COL12A1: variants seen among roughly 807,000 people sequenced by gnomAD.
The protein encoded by COL12A1 is collagen type XII alpha 1 chain.
In COL12A1, 114 loss-of-function variants were observed where a neutral mutation model predicts 349.7. That is an observed-to-expected ratio of 0.33 (90% CI 0.28 to 0.38). The LOEUF is 0.38. Among genes scored for constraint, COL12A1 ranks in the 10% least tolerant of loss-of-function variants. The probability of loss-of-function intolerance (pLI) is 1.00; values close to 1 mark genes in which losing one functional copy is unlikely to be tolerated. For missense variants in COL12A1, 3,284 were observed against 3,756.9 expected (o/e 0.87, Z 3.29); for synonymous variants, 1,369 against 1,329.0 (o/e 1.03, Z -0.66).
At chr6:75,167,965 T>C (rs240718) in intron 13 of COL12A1, among the ~76,000 whole-genome samples, 3,490 of 152,270 alleles carry the variant, frequency 0.023, 135 homozygotes, top group African/African-American at 0.078. Context: ...CTATTTTGAG[T>C]GAACACTGAG....
Position 75,189,625 on chromosome 6 carries a change from AT to A in COL12A1, c.584del (p.Asn195IlefsTer13). On this transcript the variant is annotated frameshift_variant, in exon 6 of 66. Coordinates refer to ENST00000322507, the MANE Select transcript of COL12A1 (RefSeq NM_004370.6). LOFTEE classifies it high-confidence loss of function. ...GAAGTTCATCCCTTTGGTAGTACTG[AT>A]TTAAGTTAAATTCAGTCCTGGTATC... ...SSDTRTEFNL[N>X]QYYQRDELLA... 1 of 1,613,318 alleles carries A rather than the reference AT, an allele frequency of 6.2e-7. No individual in the cohort carries two copies. The highest frequency in any genetic ancestry group is 8.5e-7 in the Non-Finnish European group (1 of 1,179,508).
In COL12A1 at chr6:75,116,104, C is replaced by T. The variant is rs776813043; in HGVS notation, c.7520-47G>A. ...AAGTATGATTCACCAACACGATGTA[C>T]AAATTATATATGCACAGAAAGTAGC... On this transcript the variant is annotated intron_variant, in intron 47 of 65. Coordinates refer to ENST00000322507, the MANE Select transcript of COL12A1 (RefSeq NM_004370.6). 5 of 1,568,632 alleles carry T rather than the reference C, an allele frequency of 3.2e-6. No homozygotes were observed. In the African/African-American group the frequency reaches 6.8e-5, roughly 21 times the overall value.
At chr6:75,191,665 A>G (rs1769935760) in intron 5 of COL12A1, 36 bp downstream of exon 5, 1 of 1,507,824 alleles carries the variant, frequency 6.6e-7, no homozygotes, top group African/African-American at 1.4e-5. Context: ...TATGACTTCC[A>G]TGAATCTAAG....
chr6:75,189,156 C>T lies in COL12A1; in HGVS notation c.823+61G>A. ...CTTGAGGAATCAATCTTTCATCTTC[C>T]TAAACATTAAGTATACTGTAGGAGT... is the stretch of plus-strand genomic sequence containing the variant. On this transcript the variant is annotated intron_variant, in intron 7 of 65. Transcript: ENST00000322507. 2.0e-6 allele frequency: 3 copies of T among 1,529,104 alleles called. No homozygotes were observed. In the South Asian group the frequency reaches 3.7e-5, roughly 19 times the overall value. The allele number at this position is 1,529,104 out of a possible 1,614,324, so 94.7% of individuals were successfully genotyped here.
intron 5 of COL12A1, among the ~76,000 whole-genome samples, chr6:75,190,428 T>C (rs1769868857): frequency 6.6e-6 from 1 of 151,878 alleles, no homozygotes. Context: ...TTATGCAAAA[T>C]AGCCAAAATA....
chr6:75,121,210 T>A, intron 44 of COL12A1, 92 bp downstream of exon 44: 1 of 1,228,784 alleles, frequency 8.1e-7, no homozygotes, highest in Non-Finnish European at 1.1e-6. Flanking sequence ...CAAAACAGAG[T>A]TTATATTGAA....
chr6:75,168,609 A>T (rs1768441668), intron 13 of COL12A1, among the ~76,000 whole-genome samples: 1 of 152,242 alleles, frequency 6.6e-6, no homozygotes, highest in Non-Finnish European at 1.5e-5. Context: ...AATCAATTAA[A>T]TTGGAATATT....
intron 4 of COL12A1, 106 bp downstream of exon 4, chr6:75,192,106 T>C (rs1159801215): frequency 1.2e-6 from 1 of 861,546 alleles, no homozygotes; most frequent in Non-Finnish European, 1.7e-6. Flanking sequence ...AAATAGTTAG[T>C]ACTGCTGTAA....
At chr6:75,165,227 C>T (rs142827250) in intron 14 of COL12A1, among the ~76,000 whole-genome samples, 4 of 151,484 alleles carry the variant, frequency 2.6e-5, no homozygotes, top group African/African-American at 9.7e-5. Context: ...AGCTTCTGGT[C>T]TTTTTACTAG....
intron 54 of COL12A1, 99 bp downstream of exon 54, chr6:75,105,107 G>C: frequency 2.1e-6 from 2 of 955,544 alleles, no homozygotes; most frequent in Non-Finnish European, 3.2e-6. Context: ...TAGAAAACCT[G>C]GATGAATTGA....
chr6:75,135,042 A>G (rs1253557977), intron 31 of COL12A1, among the ~76,000 whole-genome samples, 187 bp from the exon 32 acceptor site: 1 of 152,200 alleles, frequency 6.6e-6, no homozygotes, highest in Non-Finnish European at 1.5e-5. Context: ...ACCTCAAATC[A>G]TAAAAAGGAT....
chr6:75,130,810 T>C (rs1766262902), intron 36 of COL12A1, 42 bp downstream of exon 36: 1 of 1,608,662 alleles, frequency 6.2e-7, no homozygotes. Flanking sequence ...CCTGCCAATC[T>C]AGCTACAAGG....
At chr6:75,145,845 T>A (rs181574652) in intron 24 of COL12A1, among the ~76,000 whole-genome samples, 18 of 152,290 alleles carry the variant, frequency 1.2e-4, no homozygotes, top group African/African-American at 4.1e-4. Context: ...TTGGTCGGGC[T>A]AGTCTCGAAC....
At chr6:75,157,441 G>GAA (rs201243585) in intron 14 of COL12A1, among the ~76,000 whole-genome samples, 1 of 141,336 alleles carries the variant, frequency 7.1e-6, no homozygotes, top group African/African-American at 2.6e-5. Context: ...AAGAAACCCA[G>GAA]AAAAAAAAAA....
rs1327036533 is a variant in COL12A1, at chr6:75,124,344, G to A, written c.6635C>T (p.Thr2212Ile). The A allele has an allele frequency of 2.5e-6, 4 of 1,612,310 alleles. No homozygotes were observed. The South Asian group carries it at 4.4e-5, about 18-fold the overall frequency. The change falls in exon 41 of 66, where the codon ACT becomes ATT. Residue 2212 changes from threonine (T) to isoleucine (I), a missense_variant. Physicochemically the swap from Thr to Ile is moderately conservative, Grantham distance 89. Coordinates refer to ENST00000322507, the MANE Select transcript of COL12A1 (RefSeq NM_004370.6). ...TLYLNVTDLK[T>I]YQIGWDTFCV... ...GAATGTATCCCACCCAATCTGGTAAGTTTTCAGATCTGTTACATTTAAATA... is the reference window on the plus strand; with the variant it reads ...GAATGTATCCCACCCAATCTGGTAAATTTTCAGATCTGTTACATTTAAATA...
chr6:75,097,146 T>C (rs1012695681), intron 59 of COL12A1, 107 bp downstream of exon 59: 5 of 765,026 alleles, frequency 6.5e-6, no homozygotes, highest in Middle Eastern at 4.9e-4. Flanking sequence ...CCCTCAATGA[T>C]ATACTCCACA....
rs1259081647 is a variant in COL12A1, at chr6:75,084,683, A to C, written c.*1864T>G. The stretch of plus-strand genomic sequence containing the variant: ...TGTGGTTGTTAAAGAGATGTATACG[A>C]GCATTCTATGCCCCGGCGTATAACA... On this transcript the variant is annotated 3_prime_UTR_variant, in exon 66 of 66. Transcript: ENST00000322507. The C allele has an allele frequency of 1.3e-5, 2 of 155,234 alleles. No individual in the cohort carries two copies. The highest frequency in any genetic ancestry group is 1.3e-4 in the Admixed American group (2 of 15,856). 9.6% of individuals were successfully genotyped at this position (155,234 alleles called of 1,614,324 possible). A position where few individuals can be genotyped will look rare whatever the true frequency, so the allele number is the denominator to read the frequency against.
chr6:75,151,076 A>AC, intron 21 of COL12A1, 65 bp downstream of exon 21: 3 of 437,910 alleles, frequency 6.9e-6, no homozygotes, highest in African/African-American at 2.1e-5. Context: ...CCCCACCCAA[A>AC]AGAATAATTA....
At chr6:75,192,128 A>T in intron 4 of COL12A1, 84 bp downstream of exon 4, 1 of 1,118,090 alleles carries the variant, frequency 8.9e-7, no homozygotes, top group African/African-American at 1.6e-5. Context: ...TTAACTTTGT[A>T]TCATAAAAGA....
Sources: allele counts gnomAD v4.1 joint callset (sites outside exome capture counted in the v4.1 genomes callset), GRCh38; gene constraint gnomAD v4.1.1; transcripts MANE v1.5; gene names NCBI Gene and HGNC (gene_info 2026-07-23, HGNC 2026-07-21).